VXN: variants seen among roughly 807,000 people sequenced by gnomAD.
The protein encoded by VXN is uncharacterized protein C8orf46.
A neutral mutation model predicts 23.1 loss-of-function variants in VXN; 7 were observed. The ratio of observed to expected loss-of-function variants is 0.30; its 90% CI spans 0.17 to 0.57. The LOEUF is 0.57. Ranked by LOEUF, VXN falls within the 20% of genes least tolerant of loss-of-function variation. VXN has a pLI of 0.91. For synonymous variants in VXN, 120 were observed against 105.8 expected (o/e 1.13, Z -0.83); for missense variants, 238 against 272.6 (o/e 0.87, Z 0.89).
At position 66,500,267 on chromosome 8, in the gene VXN, C is replaced by T. The variant is rs79539677; in HGVS notation, c.126+3775C>T. 5.0e-3 allele frequency among the ~76,000 whole-genome samples: 757 copies of T among 152,322 alleles called. 5 individuals are homozygous for T. The highest frequency in any genetic ancestry group is 6.9e-3 in the Non-Finnish European group (471 of 68,030). On this transcript the variant is annotated intron_variant, in intron 2 of 5. Coordinates refer to ENST00000305454, the MANE Select transcript of VXN (RefSeq NM_152765.4). ...AAAATCCCAGGCCAAAGGAGATACA[C>T]ATTGAAACAATTTTATAGCCACTGA...
intron 2 of VXN, chr8:66,503,433 T>C (rs1807713331): frequency 1.3e-5 from 2 of 152,202 alleles, no homozygotes; most frequent in African/African-American, 4.8e-5. Context: ...AGGAGAAGTG[T>C]GAATCAAAGA....
chr8:66,502,384 CA>C, intron 2 of VXN, among the ~76,000 whole-genome samples: 1 of 152,158 alleles, frequency 6.6e-6, no homozygotes. Flanking sequence ...AATGAGATTG[CA>C]AAGGTCACAT....
intron 4 of VXN, among the ~76,000 whole-genome samples, chr8:66,512,422 G>A (rs1807835200): frequency 6.6e-6 from 1 of 152,224 alleles, no homozygotes; most frequent in African/African-American, 2.4e-5. Context: ...GGGTGAAGAA[G>A]GTGCCCTTGA....
chr8:66,499,928 T>C (rs981950325), intron 2 of VXN, among the ~76,000 whole-genome samples: 1 of 152,122 alleles, frequency 6.6e-6, no homozygotes, highest in Non-Finnish European at 1.5e-5. Context: ...GGTTTTGTCA[T>C]GTTGCCCAGG....
chr8:66,506,751 T>C (rs1368754349), intron 3 of VXN, among the ~76,000 whole-genome samples: 1 of 152,220 alleles, frequency 6.6e-6, no homozygotes, highest in Admixed American at 6.5e-5. Context: ...AACCTAATCC[T>C]GCTCCTCTGA....
intron 3 of VXN, among the ~76,000 whole-genome samples, chr8:66,506,668 T>C (rs1807763106): frequency 1.3e-5 from 2 of 152,202 alleles, no homozygotes; most frequent in Non-Finnish European, 2.9e-5. Flanking sequence ...GTATAGTCCC[T>C]TCCTCCATCC....
intron 2 of VXN, among the ~76,000 whole-genome samples, chr8:66,497,709 T>C (rs1339133191): frequency 1.3e-5 from 2 of 152,202 alleles, no homozygotes; most frequent in African/African-American, 4.8e-5. Flanking sequence ...AGTATCTCAA[T>C]TTTCAAAAGC....
chr8:66,500,221 G>A (rs1563505938), intron 2 of VXN, among the ~76,000 whole-genome samples: 2 of 152,036 alleles, frequency 1.3e-5, no homozygotes, highest in South Asian at 2.1e-4. Flanking sequence ...AAATGATTCC[G>A]AGGATAAATT....
intron 3 of VXN, 27 bp downstream of exon 3, chr8:66,505,555 C>G (rs1326814244): frequency 2.7e-6 from 4 of 1,458,788 alleles, no homozygotes; most frequent in Non-Finnish European, 3.6e-6. Flanking sequence ...CCCAGCTCCC[C>G]GCACCTCCCT....
chr8:66,496,669 C>T (rs548379628), intron 2 of VXN, among the ~76,000 whole-genome samples, 177 bp downstream of exon 2: 1 of 152,292 alleles, frequency 6.6e-6, no homozygotes, highest in East Asian at 1.9e-4. Flanking sequence ...AAATGTCAAC[C>T]AGACACCAAG....
Position 66,513,717 on chromosome 8 carries a change from G to T in VXN, c.440+80G>T, listed in dbSNP as rs544961227. 47 of 1,240,770 alleles carry T rather than the reference G, an allele frequency of 3.8e-5. No homozygotes were observed. The South Asian group carries it at 5.8e-4, about 15-fold the overall frequency. The allele number at this position is 1,240,770 out of a possible 1,614,324, so 76.9% of individuals were successfully genotyped here. Reference sequence around the variant, plus strand: ...TCCTTCCCCAGAAGAGCACCAGGCCGCCTGGTTGACAGACCCTCGAGAGGC... The same window carrying T: ...TCCTTCCCCAGAAGAGCACCAGGCCTCCTGGTTGACAGACCCTCGAGAGGC... On this transcript the variant is annotated intron_variant, in intron 5 of 5. Transcript: ENST00000305454.
Position 66,499,846 on chromosome 8 carries a change from T to C in VXN, c.126+3354T>C, listed in dbSNP as rs576377539. ...ATCTTTCTATGCCAATTCATCTGTATAGCTCTACCTTATTCTTCTTTTATA... is the reference window on the plus strand; with the variant it reads ...ATCTTTCTATGCCAATTCATCTGTACAGCTCTACCTTATTCTTCTTTTATA... On this transcript the variant is annotated intron_variant, in intron 2 of 5. Coordinates refer to ENST00000305454, the MANE Select transcript of VXN (RefSeq NM_152765.4). Among the ~76,000 whole-genome samples, 4 of 152,290 alleles carry C rather than the reference T, an allele frequency of 2.6e-5. No homozygotes were observed. The South Asian group carries it at 8.3e-4, about 32-fold the overall frequency.
rs1029201621 is a variant in VXN, at chr8:66,516,040, T to C, written c.588T>C (p.Tyr196=). 16 of 1,612,960 alleles carry C rather than the reference T, an allele frequency of 9.9e-6. No homozygotes were observed. The African/African-American group carries it at 1.9e-4, about 19-fold the overall frequency. The part of the protein sequence containing the change: ...MWTRHKKKSE[Y]VGATNSAFEA... ...CAAGGCACAAGAAGAAGTCTGAATA[T>C]GTGGGAGCCACCAACAGCGCCTTTG... Residue 196 remains tyrosine (Y), a synonymous_variant, in exon 6 of 6, where the codon TAT becomes TAC. Transcript: ENST00000305454.
At chr8:66,510,353 G>C (rs1807807942) in intron 4 of VXN, 196 bp downstream of exon 4, 1 of 536,050 alleles carries the variant, frequency 1.9e-6, no homozygotes, top group Non-Finnish European at 3.3e-6. Context: ...GAATATCCCT[G>C]GCTGCTTCTC....
At chr8:66,500,307 T>C (rs989702082) in intron 2 of VXN, among the ~76,000 whole-genome samples, 29 of 152,194 alleles carry the variant, frequency 1.9e-4, no homozygotes, top group African/African-American at 6.8e-4. Flanking sequence ...TTCCTAGCAA[T>C]TACATTTTAA....
intron 2 of VXN, chr8:66,503,348 GCATTGTAATTCTCTATTATCTCCGT>G (rs1300125375): frequency 6.6e-6 from 1 of 152,112 alleles, no homozygotes; most frequent in Non-Finnish European, 1.5e-5. Context: ...CAGCCCCAAA[GCATTGTAATTCTCTATTATCTCCGT>G]CTTCTTGACT....
intron 2 of VXN, among the ~76,000 whole-genome samples, chr8:66,498,266 C>T (rs1293666621): frequency 6.6e-6 from 1 of 151,168 alleles, no homozygotes; most frequent in Non-Finnish European, 1.5e-5. Context: ...CCAGGGAGTT[C>T]GAGGCTAGAG....
intron 2 of VXN, among the ~76,000 whole-genome samples, chr8:66,500,113 T>C (rs1807674352): frequency 6.6e-6 from 1 of 152,238 alleles, no homozygotes; most frequent in South Asian, 2.1e-4. Context: ...TGAAGTTTTC[T>C]AGATTCATTA....
chr8:66,499,730 A>C (rs1171900252), intron 2 of VXN, among the ~76,000 whole-genome samples: 1 of 151,336 alleles, frequency 6.6e-6, no homozygotes, highest in Non-Finnish European at 1.5e-5. Context: ...TATTTTTTTT[A>C]ATATTTTTAG....
Sources: gnomAD v4.1 joint callset for allele counts (sites outside exome capture counted in the v4.1 genomes callset) on GRCh38, gnomAD v4.1.1 for gene constraint, MANE v1.5 for transcripts, NCBI Gene and HGNC (gene_info 2026-07-23, HGNC 2026-07-21) for gene names.